The following DGLUCY variants were observed in gnomAD, a reference collection of about 807,000 sequenced individuals.
The protein encoded by DGLUCY is D-glutamate cyclase, mitochondrial.
Under a neutral mutation model 58.5 loss-of-function variants are expected in DGLUCY, and 58 were observed. The observed-to-expected ratio is 0.99, with a 90% CI of 0.80 to 1.23. The LOEUF (loss-of-function observed/expected upper bound fraction) is 1.23, where lower values mean the gene tolerates loss of function less well. Ranked by LOEUF, DGLUCY falls within the 50% of genes most tolerant of loss-of-function variation. The pLI is 0.00. For synonymous variants in DGLUCY, 325 were observed against 314.1 expected (o/e 1.03, Z -0.37); for missense variants, 779 against 784.7 (o/e 0.99, Z 0.09).
chr14:91,156,714 C>A (rs1431820185), intron 1 of DGLUCY, among the ~76,000 whole-genome samples: 1 of 152,136 alleles, frequency 6.6e-6, no homozygotes, highest in East Asian at 1.9e-4. Context: ...AGAGAGAGCT[C>A]AGAGCAGAAA....
At chr14:91,071,307 A>G (rs2043912867) in intron 1 of DGLUCY, among the ~76,000 whole-genome samples, 1 of 146,234 alleles carries the variant, frequency 6.8e-6, no homozygotes, top group Non-Finnish European at 1.5e-5. Flanking sequence ...ACTGCACTCC[A>G]TCCTGGGCAA....
chr14:91,222,756 C>G (rs537018574), intron 13 of DGLUCY, among the ~76,000 whole-genome samples: 1 of 152,282 alleles, frequency 6.6e-6, no homozygotes, highest in South Asian at 2.1e-4. Flanking sequence ...CCTAGTTGCC[C>G]CTTGTCGTAG....
chr14:91,155,068 C>T (rs970619414), intron 1 of DGLUCY, among the ~76,000 whole-genome samples: 1 of 152,196 alleles, frequency 6.6e-6, no homozygotes, highest in African/African-American at 2.4e-5. Flanking sequence ...TTAGACTCAG[C>T]CCCTTCTCCT....
At chr14:91,087,776 T>C (rs113973912) in intron 1 of DGLUCY, among the ~76,000 whole-genome samples, 10 of 152,312 alleles carry the variant, frequency 6.6e-5, no homozygotes, top group African/African-American at 2.4e-4. Flanking sequence ...AATGACCCTG[T>C]CTCCTTTGTT....
chr14:91,170,326 A>G, intron 5 of DGLUCY, 125 bp downstream of exon 5: 1 of 1,048,934 alleles, frequency 9.5e-7, no homozygotes, highest in Non-Finnish European at 1.3e-6. Context: ...GCCCCAGCTC[A>G]GCCATTTCTA....
intron 1 of DGLUCY, among the ~76,000 whole-genome samples, chr14:91,080,771 A>G (rs1457766688): frequency 6.6e-6 from 1 of 152,190 alleles, no homozygotes; most frequent in African/African-American, 2.4e-5. Flanking sequence ...GGAAAAGTGG[A>G]GTCCTAGTAA....
chr14:91,076,839 G>A (rs1299750778), intron 1 of DGLUCY, among the ~76,000 whole-genome samples: 1 of 152,126 alleles, frequency 6.6e-6, no homozygotes, highest in Non-Finnish European at 1.5e-5. Context: ...GGAGTTACGG[G>A]CTAGACCACG....
At chr14:91,060,485 A>G in exon 1 of DGLUCY, 1 of 1,323,398 alleles carries the variant, frequency 7.6e-7, no homozygotes, top group Non-Finnish European at 9.7e-7. Flanking sequence ...AACCCAGGAG[A>G]CAGCGGACGC....
At position 91,224,840 on chromosome 14, in the gene DGLUCY, A is replaced by G. The variant is rs568827269; in HGVS notation, c.*7A>G. ...CACCACGGCACAGGTGTAACCGTCC[A>G]TGTTCCGTGTGAGCAGAGTCCCTAC... On this transcript the variant is annotated 3_prime_UTR_variant, in exon 14 of 14. Transcript: ENST00000256324. 3 of 1,600,214 alleles carry G rather than the reference A, an allele frequency of 1.9e-6. No homozygotes were observed. Among genetic ancestry groups the G allele is most frequent in the African/African-American group, 1.3e-5 (1 of 74,726 alleles).
chr14:91,104,097 C>T (rs1437980138), upstream of DGLUCY, among the ~76,000 whole-genome samples: 2 of 120,324 alleles, frequency 1.7e-5, no homozygotes, highest in Admixed American at 9.7e-5. Flanking sequence ...GAGTCTTGCT[C>T]TGTTGCCCAG....
At chr14:91,217,194 G>A (rs1186236394) in intron 13 of DGLUCY, among the ~76,000 whole-genome samples, 1 of 152,214 alleles carries the variant, frequency 6.6e-6, no homozygotes, top group East Asian at 1.9e-4. Flanking sequence ...TTGGGAAAAC[G>A]GGGCCAAAGC....
chr14:91,072,555 C>A (rs369108793), intron 1 of DGLUCY, among the ~76,000 whole-genome samples: 2 of 151,776 alleles, frequency 1.3e-5, no homozygotes, highest in East Asian at 3.9e-4. Flanking sequence ...GAATAAAATT[C>A]CATTGTTATC....
chr14:91,118,803 G>T (rs1246452587), intron 1 of DGLUCY, among the ~76,000 whole-genome samples: 4 of 152,072 alleles, frequency 2.6e-5, no homozygotes, highest in South Asian at 2.1e-4. Context: ...TTTACTTTTG[G>T]TTTATACTTT....
At chr14:91,093,115 CAAAT>C (rs890250104) in intron 1 of DGLUCY, among the ~76,000 whole-genome samples, 42 of 148,350 alleles carry the variant, frequency 2.8e-4, no homozygotes, top group African/African-American at 8.9e-4. Context: ...ATTTGTGAAA[CAAAT>C]GAATAGATAC....
chr14:91,199,794 G>A lies in DGLUCY; in HGVS notation c.1333G>A (p.Ala445Thr), dbSNP rs756994493. The A allele has an allele frequency of 6.2e-7, 1 of 1,614,218 alleles. No homozygotes were observed. Among genetic ancestry groups the A allele is most frequent in the Non-Finnish European group, 8.5e-7 (1 of 1,180,034 alleles). Residue 445 changes from alanine (A) to threonine (T), a missense_variant, in exon 11 of 14, where the codon GCT becomes ACT. Physicochemically the swap from Ala to Thr is moderately conservative, Grantham distance 58 (BLOSUM62 0). Coordinates refer to ENST00000256324, the MANE Select transcript of DGLUCY (RefSeq NM_001102368.3). The stretch of plus-strand genomic sequence containing the variant: ...GGTGGCCATAGAGCGTGCCGGAAGA[G>A]CTGCTGATGGCAATTACTACAATGC... ...HLVAIERAGR[A>T]ADGNYYNARK...
intron 1 of DGLUCY, among the ~76,000 whole-genome samples, chr14:91,073,927 C>G (rs1472162987): frequency 6.6e-6 from 1 of 151,562 alleles, no homozygotes; most frequent in Non-Finnish European, 1.5e-5. Context: ...TTAAGACCAG[C>G]CCGGGCAATA....
intron 4 of DGLUCY, chr14:91,167,806 C>G: frequency 1.6e-6 from 1 of 624,720 alleles, no homozygotes; most frequent in Non-Finnish European, 2.9e-6. Flanking sequence ...GATGCTGGGT[C>G]GGTGTACCTC....
rs1240148774 is a variant in DGLUCY at position 91,167,381 on chromosome 14, A to G, written c.257+3A>G. The G allele has an allele frequency of 6.2e-7, 1 of 1,614,144 alleles. No individual in the cohort carries two copies. Among genetic ancestry groups the G allele is most frequent in the Admixed American group, 1.7e-5 (1 of 60,008 alleles). On this transcript the variant is annotated splice_donor_region_variant and intron_variant, in intron 4 of 13. Transcript: ENST00000256324. ...CAAGGTGCTATCTCAGAGACCAGGT[A>G]AAAAGCTTGGGTTACTGTGGGTTGA... is the stretch of plus-strand genomic sequence containing the variant.
intron 1 of DGLUCY, among the ~76,000 whole-genome samples, chr14:91,071,088 TTTG>T (rs2043907662): frequency 1.3e-5 from 2 of 151,922 alleles, no homozygotes; most frequent in Non-Finnish European, 2.9e-5. Context: ...ATCCCAGTAC[TTTG>T]GGAGGCTGAG....
Sources: gnomAD v4.1 joint callset for allele counts (sites outside exome capture counted in the v4.1 genomes callset) on GRCh38, gnomAD v4.1.1 for gene constraint, MANE v1.5 for transcripts, NCBI Gene and HGNC (gene_info 2026-07-23, HGNC 2026-07-21) for gene names.